The following ZNF461 variants were observed in gnomAD, a reference collection of about 807,000 sequenced individuals.
ZNF461 encodes the protein gonadotropin-inducible ovarian transcription factor-1.
ZNF461 carries 16 observed loss-of-function variants against 18.3 expected under a neutral mutation model. The ratio of observed to expected loss-of-function variants is 0.88; its 90% confidence interval spans 0.59 to 1.33. The LOEUF is 1.33. Among genes scored for constraint, ZNF461 ranks in the 40% most tolerant of loss-of-function variants. ZNF461 has a pLI of 0.00. For missense variants in ZNF461, 595 were observed against 669.9 expected, an observed-to-expected ratio of 0.89 and a Z score of 1.23; for synonymous variants, 179 against 216.9, an observed-to-expected ratio of 0.83 and a Z score of 1.54.
chr19:36,651,412 T>C (rs1026066438), intron 4 of ZNF461, among the ~76,000 whole-genome samples: 1 of 151,950 alleles, frequency 6.6e-6, no homozygotes, highest in African/African-American at 2.4e-5. Flanking sequence ...ATAAAAGGCA[T>C]AGATTATGAA....
intron 2 of ZNF461, among the ~76,000 whole-genome samples, chr19:36,664,470 C>A (rs919773074): frequency 2.0e-5 from 3 of 151,980 alleles, no homozygotes; most frequent in Admixed American, 2.0e-4. Flanking sequence ...TGCCTGTTGT[C>A]CCAGCTACTT....
Position 36,647,648 on chromosome 19 carries a change from T to C in ZNF461, c.233-3786A>G, listed in dbSNP as rs1272863692. 3.3e-5 allele frequency among the ~76,000 whole-genome samples: 5 copies of C among 152,228 alleles called. No homozygotes were observed. The East Asian group carries it at 9.6e-4, about 29-fold the overall frequency. On this transcript the variant is annotated intron_variant, in intron 4 of 5. Coordinates refer to ENST00000588268, the MANE Select transcript of ZNF461 (RefSeq NM_153257.5). ...CTAGAAGTAGAATTGCTTGATTATA[T>C]GGCAATTCTATTTTTAATGTTTTGA...
chr19:36,648,781 A>G (rs2037573429), intron 4 of ZNF461, among the ~76,000 whole-genome samples: 2 of 152,096 alleles, frequency 1.3e-5, no homozygotes, highest in Non-Finnish European at 2.9e-5. Context: ...GGGTTTCGCC[A>G]TGTTGGCCAG....
At chr19:36,651,233 GAAAAAAAA>G (rs34091845) in intron 4 of ZNF461, among the ~76,000 whole-genome samples, 1 of 82,898 alleles carries the variant, frequency 1.2e-5, no homozygotes, top group African/African-American at 4.9e-5. Flanking sequence ...TCCGTCTCAG[GAAAAAAAA>G]AAAAAAAAAA....
At position 36,658,293 on chromosome 19, in the gene ZNF461, CT is replaced by C; in HGVS notation, c.136+5del. The C allele has an allele frequency of 6.2e-7, 1 of 1,602,268 alleles. No individual in the cohort carries two copies. Among genetic ancestry groups the C allele is most frequent in the Non-Finnish European group, 8.5e-7 (1 of 1,174,674 alleles). ...TGTCAGGTTCTTAATTTTTAGATAA[CT>C]TTACCAAGTGACACCAAGTTGCTAT... On this transcript the variant is annotated splice_donor_5th_base_variant and intron_variant, in intron 3 of 5. Coordinates refer to ENST00000588268, the MANE Select transcript of ZNF461 (RefSeq NM_153257.5).
intron 4 of ZNF461, among the ~76,000 whole-genome samples, chr19:36,655,850 G>A (rs149054863): frequency 1.3e-5 from 2 of 152,156 alleles, no homozygotes; most frequent in Admixed American, 6.5e-5. Context: ...TTTTCTATAT[G>A]GTGTAAGACA....
At chr19:36,651,150 G>A (rs1445403809) in intron 4 of ZNF461, among the ~76,000 whole-genome samples, 1 of 150,000 alleles carries the variant, frequency 6.7e-6, no homozygotes, top group African/African-American at 2.5e-5. Context: ...AGAATGGTGT[G>A]AGCCTGGGAG....
Position 36,640,016 on chromosome 19 carries a change from T to C in ZNF461, c.329A>G (p.Lys110Arg), listed in dbSNP as rs1210003556. 56 of 1,610,060 alleles carry C rather than the reference T, an allele frequency of 3.5e-5. No individual in the cohort carries two copies. The highest frequency in any genetic ancestry group is 4.6e-5 in the Non-Finnish European group (54 of 1,177,652). ...ATAAATATCCCTTTTTGGAGATAAC[T>C]TCTGGGGCTCATCTCTGGATGCCAA... is the stretch of plus-strand genomic sequence containing the variant. ...ADLASRDEPQ[K>R]LSPKRDIYET... The change falls in exon 6 of 6, where the codon AAG becomes AGG. Residue 110 changes from lysine (K) to arginine (R), a missense_variant. Physicochemically the swap from Lys to Arg is conservative, Grantham distance 26. Transcript: ENST00000588268.
rs1210311629 is a variant in ZNF461, at chr19:36,636,810, T to C, written c.*1843A>G. On this transcript the variant is annotated 3_prime_UTR_variant, in exon 6 of 6. Transcript: ENST00000588268. ...TTCTTTGTGCTGAAGCAGCATAAAC[T>C]TAACTACTGATTTATTCTTTTACTT... Among the ~76,000 whole-genome samples the C allele has an allele frequency of 6.6e-6, 1 of 152,214 alleles. No individual in the cohort carries two copies. Among genetic ancestry groups the C allele is most frequent in the African/African-American group, 2.4e-5 (1 of 41,456 alleles).
At chr19:36,658,639 G>A (rs1475483575) in intron 2 of ZNF461, 10 of 405,138 alleles carry the variant, frequency 2.5e-5, no homozygotes, top group Non-Finnish European at 4.3e-5. Context: ...ACATCTTCTT[G>A]TGTAGGTGGG....
At chr19:36,645,854 A>T (rs10402486) in intron 4 of ZNF461, among the ~76,000 whole-genome samples, 1 of 151,962 alleles carries the variant, frequency 6.6e-6, no homozygotes, top group Non-Finnish European at 1.5e-5. Flanking sequence ...GAGCGAACTC[A>T]GCTAACTGCA....
intron 2 of ZNF461, among the ~76,000 whole-genome samples, 164 bp downstream of exon 2, chr19:36,664,534 G>A (rs1011645921): frequency 6.6e-6 from 1 of 151,400 alleles, no homozygotes; most frequent in African/African-American, 2.4e-5. Context: ...GCTGCAGTGA[G>A]CCAAGTTCGC....
In ZNF461 at chr19:36,644,639, A is replaced by C. The variant is rs528304260; in HGVS notation, c.233-777T>G. Among the ~76,000 whole-genome samples, 7 of 150,486 alleles carry C rather than the reference A, an allele frequency of 4.7e-5. No individual in the cohort carries two copies. In the East Asian group the frequency reaches 1.4e-3, roughly 30 times the overall value. On this transcript the variant is annotated intron_variant, in intron 4 of 5. Transcript: ENST00000588268. ...GAGATGGAGTCTTGCTCTGTCACCC[A>C]GGCTGGAGTACGGTGGCGCAATCTC... is the stretch of plus-strand genomic sequence containing the variant.
chr19:36,662,284 T>G (rs2037831713), intron 2 of ZNF461, among the ~76,000 whole-genome samples: 1 of 151,540 alleles, frequency 6.6e-6, no homozygotes, highest in Non-Finnish European at 1.5e-5. Flanking sequence ...TGAGATGGAG[T>G]CCTGCTTTGT....
chr19:36,656,698 T>C lies in ZNF461; in HGVS notation c.137-155A>G, dbSNP rs370422129. 5.3e-5 allele frequency among the ~76,000 whole-genome samples: 8 copies of C among 152,292 alleles called. 1 individual carries two copies. The highest frequency in any genetic ancestry group is 5.2e-4 in the Admixed American group (8 of 15,292). On this transcript the variant is annotated intron_variant, in intron 3 of 5. Transcript: ENST00000588268. ...AGGAGAAGAGATGAAACACTCATAT[T>C]CAGATGAACACAGGATCATAACAAA... is the stretch of plus-strand genomic sequence containing the variant.
At chr19:36,660,783 G>C (rs1180412237) in intron 2 of ZNF461, among the ~76,000 whole-genome samples, 1 of 150,992 alleles carries the variant, frequency 6.6e-6, no homozygotes, top group Non-Finnish European at 1.5e-5. Context: ...AAATTCTTCA[G>C]GTGGAAAAAA....
intron 2 of ZNF461, among the ~76,000 whole-genome samples, chr19:36,658,791 T>C (rs1466069446): frequency 1.3e-5 from 2 of 152,248 alleles, no homozygotes; most frequent in African/African-American, 4.8e-5. Context: ...AAGATTTTTA[T>C]TCATGATTAT....
rs968401413 is a variant in ZNF461, at chr19:36,648,755, T to C, written c.233-4893A>G. On this transcript the variant is annotated intron_variant, in intron 4 of 5. Transcript: ENST00000588268. ...CCACCATGCCTGGCTAATTTTTGTA[T>C]TTTTTGGTAGAGACGGGGTTTCGCC... Among the ~76,000 whole-genome samples, 5 of 152,066 alleles carry C rather than the reference T, an allele frequency of 3.3e-5. No individual in the cohort carries two copies. In the East Asian group the frequency reaches 9.7e-4, roughly 29 times the overall value.
At chr19:36,647,105 T>G (rs2037541839) in intron 4 of ZNF461, among the ~76,000 whole-genome samples, 1 of 152,362 alleles carries the variant, frequency 6.6e-6, no homozygotes, top group South Asian at 2.1e-4. Flanking sequence ...TTGACTATTA[T>G]GATTAGTGCT....
Sources: allele counts gnomAD v4.1 joint callset (sites outside exome capture counted in the v4.1 genomes callset), GRCh38; gene constraint gnomAD v4.1.1; transcripts MANE v1.5; gene names NCBI Gene and HGNC (gene_info 2026-07-23, HGNC 2026-07-21).